ZEB2: variants seen among roughly 807,000 people sequenced by gnomAD.
The protein encoded by ZEB2 is zinc finger E-box binding homeobox 2, also known as zinc finger E-box-binding homeobox 2.
A neutral mutation model predicts 99.9 loss-of-function variants in ZEB2; 6 were observed. The observed-to-expected ratio is 0.06, with a 90% CI of 0.03 to 0.12. ZEB2 has a LOEUF of 0.12. Among genes scored for constraint, ZEB2 ranks in the 10% least tolerant of loss-of-function variants. ZEB2 has a pLI of 1.00. For missense variants in ZEB2, 969 were observed against 1,502.8 expected (o/e 0.64, Z 5.87); for synonymous variants, 517 against 542.5 (o/e 0.95, Z 0.65).
chr2:144,497,226 C>T (rs1246201846), intron 2 of ZEB2, among the ~76,000 whole-genome samples: 1 of 152,156 alleles, frequency 6.6e-6, no homozygotes, highest in Non-Finnish European at 1.5e-5. Flanking sequence ...GTTGTGCCAT[C>T]CTCTGTACTC....
chr2:144,494,610 T>C (rs1560649018), intron 2 of ZEB2: 1 of 152,228 alleles, frequency 6.6e-6, no homozygotes, highest in African/African-American at 2.4e-5. Flanking sequence ...CTACTGTTCC[T>C]TTAATGCCCA....
At chr2:144,493,960 G>A (rs1310317034) in intron 2 of ZEB2, among the ~76,000 whole-genome samples, 1 of 151,950 alleles carries the variant, frequency 6.6e-6, no homozygotes, top group Non-Finnish European at 1.5e-5. Context: ...AGACCGTCCT[G>A]GCTAACACAG....
At chr2:144,421,220 T>G (rs990217390) in intron 4 of ZEB2, among the ~76,000 whole-genome samples, 18 of 152,148 alleles carry the variant, frequency 1.2e-4, no homozygotes, top group African/African-American at 4.3e-4. Context: ...CCAGGATCCA[T>G]GGCGATAAAG....
At chr2:144,434,031 C>T (rs1346455077) in intron 2 of ZEB2, among the ~76,000 whole-genome samples, 1 of 152,160 alleles carries the variant, frequency 6.6e-6, no homozygotes. Context: ...ACCCCTTTTC[C>T]TACTTATATG....
rs1703261505 is a variant in ZEB2 at position 144,398,547 on chromosome 2, A to T, written c.2640T>A (p.Thr880=). 16 of 1,614,144 alleles carry T rather than the reference A, an allele frequency of 9.9e-6. No individual in the cohort carries two copies. Among genetic ancestry groups the T allele is most frequent in the Non-Finnish European group, 1.4e-5 (16 of 1,180,016 alleles). The change falls in exon 8 of 10, where the codon ACT becomes ACA. Residue 880 remains threonine (T), a synonymous_variant. Transcript: ENST00000627532. ...SNSNNLDNKS[T]NPVFSMNPFS... ...ATGGGTTCATGCTGAACACTGGGTT[A>T]GTGCTTTTGTTGTCCAGATTATTTG...
At chr2:144,468,053 G>A (rs1704296226) in intron 2 of ZEB2, among the ~76,000 whole-genome samples, 1 of 152,136 alleles carries the variant, frequency 6.6e-6, no homozygotes, top group Non-Finnish European at 1.5e-5. Flanking sequence ...AGACTTCAAA[G>A]GGGAGTAGTT....
chr2:144,469,920 C>T (rs1275257147), intron 2 of ZEB2, among the ~76,000 whole-genome samples: 1 of 152,158 alleles, frequency 6.6e-6, no homozygotes, highest in Admixed American at 6.6e-5. Flanking sequence ...TAAGAAGCTC[C>T]TGTGTGATCC....
chr2:144,400,259 A>G lies in ZEB2; in HGVS notation c.928T>C (p.Tyr310His). 1 of 1,609,786 alleles carries G rather than the reference A, an allele frequency of 6.2e-7. No individual in the cohort carries two copies. Among genetic ancestry groups the G allele is most frequent in the Non-Finnish European group, 8.5e-7 (1 of 1,179,956 alleles). The change falls in exon 8 of 10, where the codon TAC becomes CAC. Residue 310 changes from tyrosine (Y) to histidine (H), a missense_variant. Coordinates refer to ENST00000627532, the MANE Select transcript of ZEB2 (RefSeq NM_014795.4). ...CGTTTCTTGCAGTTTGGGCACTCGTAAGGTTTTTCACCTAAAATGATAATT... is the reference window on the plus strand; with the variant it reads ...CGTTTCTTGCAGTTTGGGCACTCGTGAGGTTTTTCACCTAAAATGATAATT... ...HLRIHSGEKPYECPNCKKRFS... is the reference protein window; with the variant it reads ...HLRIHSGEKPHECPNCKKRFS...
At chr2:144,432,387 C>T (rs1703785560) in intron 2 of ZEB2, among the ~76,000 whole-genome samples, 1 of 152,146 alleles carries the variant, frequency 6.6e-6, no homozygotes, top group Admixed American at 6.6e-5. Context: ...TATGCATTTC[C>T]ATATGCCATT....
At chr2:144,403,811 C>A (rs777075367) in intron 6 of ZEB2, 105 bp downstream of exon 6, 3 of 1,429,010 alleles carry the variant, frequency 2.1e-6, no homozygotes, top group South Asian at 2.3e-5. Context: ...AAAAGATCTG[C>A]ATCTTCAAAA....
At chr2:144,390,384 T>C (rs966188841) in intron 9 of ZEB2, among the ~76,000 whole-genome samples, 5 of 152,206 alleles carry the variant, frequency 3.3e-5, no homozygotes, top group Non-Finnish European at 7.3e-5. Flanking sequence ...CATCAGGTAA[T>C]TCTCTTCCTT....
At chr2:144,393,712 T>C (rs766900155) in intron 9 of ZEB2, among the ~76,000 whole-genome samples, 2 of 152,108 alleles carry the variant, frequency 1.3e-5, no homozygotes, top group Non-Finnish European at 1.5e-5. Flanking sequence ...AGTAATGTCA[T>C]GAGATGTTTG....
intron 2 of ZEB2, among the ~76,000 whole-genome samples, chr2:144,466,856 C>T (rs1013734147): frequency 2.0e-5 from 3 of 152,092 alleles, no homozygotes; most frequent in African/African-American, 7.2e-5. Flanking sequence ...GTTCTCAGAG[C>T]GTCACTGTGA....
At chr2:144,450,498 C>T (rs1704041749) in intron 2 of ZEB2, 2 of 151,936 alleles carry the variant, frequency 1.3e-5, no homozygotes. Flanking sequence ...TAGAATAATG[C>T]AAGAAAGTAA....
intron 4 of ZEB2, chr2:144,424,342 A>G: frequency 1.9e-6 from 1 of 518,710 alleles, no homozygotes. Context: ...ATGATTAATT[A>G]TTGAGAGAAA....
rs1418781856 is a variant in ZEB2 at position 144,385,434 on chromosome 2, T to C, written c.*4017A>G. 1 of 152,156 alleles carries C rather than the reference T, an allele frequency of 6.6e-6. No individual in the cohort carries two copies. Among genetic ancestry groups the C allele is most frequent in the Non-Finnish European group, 1.5e-5 (1 of 68,014 alleles). 9.4% of individuals were successfully genotyped at this position (152,156 alleles called of 1,614,324 possible). On this transcript the variant is annotated 3_prime_UTR_variant, in exon 10 of 10. Transcript: ENST00000627532. The stretch of plus-strand genomic sequence containing the variant: ...TGAATTCTTTGGTGTTTTTTCCCCC[T>C]CTTTTTTTAGTGCTATGATTGATGA...
intron 4 of ZEB2, among the ~76,000 whole-genome samples, chr2:144,407,491 T>C (rs894607127): frequency 4.6e-5 from 7 of 152,218 alleles, no homozygotes; most frequent in Admixed American, 6.5e-5. Flanking sequence ...CTATGGAGTA[T>C]GTAGAAACTG....
intron 2 of ZEB2, among the ~76,000 whole-genome samples, chr2:144,442,500 A>G (rs1703930309): frequency 6.6e-6 from 1 of 152,194 alleles, no homozygotes; most frequent in Non-Finnish European, 1.5e-5. Context: ...GTTAAGACTT[A>G]TAAGAATAAG....
rs114084141 is a variant in ZEB2 at position 144,426,275 on chromosome 2, T to C, written c.332-1408A>G. On this transcript the variant is annotated intron_variant, in intron 3 of 9. Transcript: ENST00000627532. ...ATATATAGCAATATTGTATTGTCAATTGTAATCATTGATCATTTGAAAGTC... is the reference window on the plus strand; with the variant it reads ...ATATATAGCAATATTGTATTGTCAACTGTAATCATTGATCATTTGAAAGTC... Among the ~76,000 whole-genome samples, 428 of 152,330 alleles carry C rather than the reference T, an allele frequency of 2.8e-3. 4 individuals are homozygous for C. Among genetic ancestry groups the C allele is most frequent in the African/African-American group, 9.8e-3 (409 of 41,580 alleles).
Sources: allele counts gnomAD v4.1 joint callset (sites outside exome capture counted in the v4.1 genomes callset), GRCh38; gene constraint gnomAD v4.1.1; transcripts MANE v1.5; gene names NCBI Gene and HGNC (gene_info 2026-07-23, HGNC 2026-07-21).